The following IQCH variants were observed in gnomAD, a reference collection of about 807,000 sequenced individuals.
IQCH encodes the protein IQ domain-containing protein H.
In IQCH, 98 loss-of-function variants were observed where a neutral mutation model predicts 117.0. The observed-to-expected ratio is 0.84, with a 90% CI of 0.71 to 0.99. The LOEUF is 0.99. Ranked by LOEUF, IQCH falls within the 50% of genes least tolerant of loss-of-function variation. The probability of loss-of-function intolerance (pLI) is 0.00; values close to 1 mark genes in which losing one functional copy is unlikely to be tolerated. For missense variants in IQCH, 1,102 were observed against 1,243.8 expected (o/e 0.89, Z 1.72); for synonymous variants, 412 against 448.2 (o/e 0.92, Z 1.02).
Position 67,424,583 on chromosome 15 carries a change from T to C in IQCH, c.2505+3006T>C, listed in dbSNP as rs1433714068. Among the ~76,000 whole-genome samples the C allele has an allele frequency of 1.3e-5, 2 of 152,226 alleles. No individual in the cohort carries two copies. The highest frequency in any genetic ancestry group is 2.9e-5 in the Non-Finnish European group (2 of 68,040). ...TGGCACAAAGTAGGTATTCAGTAAA[T>C]ATTTGTTGACTGAATGAATGAACAA... On this transcript the variant is annotated intron_variant, in intron 16 of 20. Transcript: ENST00000335894. This position sits in a 1 kb window ranked among gnomAD's most constrained non-coding sequence, Gnocchi z 4.9.
intron 15 of IQCH, among the ~76,000 whole-genome samples, chr15:67,418,513 CCACACA>C (rs368875296): frequency 2.9e-4 from 33 of 114,104 alleles, no homozygotes; most frequent in Admixed American, 7.0e-4. Flanking sequence ...CAAGTGGCTA[CCACACA>C]CACACACACA....
chr15:67,307,842 A>G (rs1008655989), intron 4 of IQCH, among the ~76,000 whole-genome samples: 2 of 152,164 alleles, frequency 1.3e-5, no homozygotes, highest in African/African-American at 4.8e-5. Context: ...CCCATCTCAG[A>G]TGACAAAGAG....
Position 67,359,566 on chromosome 15 carries a change from C to G in IQCH, c.715-281C>G, listed in dbSNP as rs1970045675. On this transcript the variant is annotated intron_variant, in intron 7 of 20. Coordinates refer to ENST00000335894, the MANE Select transcript of IQCH (RefSeq NM_001031715.3). The surrounding 1 kb of genome is among the most constrained non-coding windows in gnomAD (Gnocchi z 4.5). ...AAGCAGTGTGGTGCCACGCTAGTGT[C>G]CCCTAGAAGTGGGACTTGGCATCTG... Among the ~76,000 whole-genome samples the G allele has an allele frequency of 6.6e-6, 1 of 152,210 alleles. No individual in the cohort carries two copies. The highest frequency in any genetic ancestry group is 2.4e-5 in the African/African-American group (1 of 41,452).
In IQCH at chr15:67,404,115, TTGTC is replaced by T. The variant is rs1391547094; in HGVS notation, c.2097+3813_2097+3816del. The T allele has an allele frequency of 6.6e-6, 1 of 152,214 alleles. No homozygotes were observed. Among genetic ancestry groups the T allele is most frequent in the Non-Finnish European group, 1.5e-5 (1 of 68,030 alleles). 9.4% of individuals were successfully genotyped at this position (152,214 alleles called of 1,614,324 possible). On this transcript the variant is annotated intron_variant, in intron 14 of 20. Coordinates refer to ENST00000335894, the MANE Select transcript of IQCH (RefSeq NM_001031715.3). The surrounding 1 kb of genome is among the most constrained non-coding windows in gnomAD (Gnocchi z 4.6). The stretch of plus-strand genomic sequence containing the variant: ...ACCTTTATTTGTACTTTGATTTACT[TTGTC>T]TGACATTTGATATTAATTTGGGGAT...
Position 67,359,970 on chromosome 15 carries a change from C to G in IQCH, c.753+85C>G, listed in dbSNP as rs1315289101. The stretch of plus-strand genomic sequence containing the variant: ...TGCTGCAGGGCAAGAGTATGGGTGA[C>G]TGCTTGACAGCTGGAGATGGCAACA... On this transcript the variant is annotated intron_variant, in intron 8 of 20. Transcript: ENST00000335894. This position sits in a 1 kb window ranked among gnomAD's most constrained non-coding sequence, Gnocchi z 4.5. 23 of 1,010,698 alleles carry G rather than the reference C, an allele frequency of 2.3e-5. No homozygotes were observed. The highest frequency in any genetic ancestry group is 3.4e-5 in the Non-Finnish European group (22 of 654,684). 62.6% of individuals were successfully genotyped at this position (1,010,698 alleles called of 1,614,324 possible). A position where few individuals can be genotyped will look rare whatever the true frequency, so the allele number is the denominator to read the frequency against.
Position 67,500,712 on chromosome 15 carries a change from A to C in IQCH, c.3050A>C (p.Lys1017Thr). 1 of 1,600,832 alleles carries C rather than the reference A, an allele frequency of 6.2e-7. No individual in the cohort carries two copies. The highest frequency in any genetic ancestry group is 2.2e-5 in the East Asian group (1 of 44,530). The change falls in exon 21 of 21, where the codon AAA becomes ACA. Residue 1017 changes from lysine (K) to threonine (T), a missense_variant. Transcript: ENST00000335894. This position sits in a 1 kb window ranked among gnomAD's most constrained non-coding sequence, Gnocchi z 4.4. ...KMRFEEEQQS[K>T]DDKNLSKPKK is the part of the protein sequence containing the mutation. ...AGATTTGAAGAGGAGCAACAGTCCA[A>C]AGATGATAAAAACCTCTCTAAACCC...
At chr15:67,419,046 G>A (rs1390220793) in intron 15 of IQCH, among the ~76,000 whole-genome samples, 5 of 152,076 alleles carry the variant, frequency 3.3e-5, no homozygotes, top group African/African-American at 4.8e-5. Context: ...CTTTCCCAGC[G>A]ACTGTCTCAT....
chr15:67,308,414 C>T (rs1353972901), intron 4 of IQCH, among the ~76,000 whole-genome samples: 2 of 152,062 alleles, frequency 1.3e-5, no homozygotes, highest in Non-Finnish European at 2.9e-5. Flanking sequence ...ATCTTGGTCC[C>T]CCTCCCTTTT....
In IQCH at chr15:67,409,506, C is replaced by T. The variant is rs545005290; in HGVS notation, c.2098-7425C>T. On this transcript the variant is annotated intron_variant, in intron 14 of 20. Transcript: ENST00000335894. ...ACATATGTGCCTCAGTTGGACAAAACGCTTCTCGAGTCAAATCAACTGCTA... is the reference window on the plus strand; with the variant it reads ...ACATATGTGCCTCAGTTGGACAAAATGCTTCTCGAGTCAAATCAACTGCTA... Among the ~76,000 whole-genome samples the T allele has an allele frequency of 5.3e-5, 8 of 152,288 alleles. No homozygotes were observed. The South Asian group carries it at 1.0e-3, about 20-fold the overall frequency.
intron 18 of IQCH, among the ~76,000 whole-genome samples, chr15:67,477,044 C>CTTTTTTTT (rs71455553): frequency 5.0e-3 from 353 of 71,030 alleles, no homozygotes; most frequent in Non-Finnish European, 5.7e-3. Context: ...TCTTTTTCTT[C>CTTTTTTTT]TTTTTTTTTT....
intron 6 of IQCH, among the ~76,000 whole-genome samples, chr15:67,346,697 G>A (rs532236093): frequency 6.6e-6 from 1 of 152,088 alleles, no homozygotes; most frequent in Admixed American, 6.6e-5. Flanking sequence ...ATGATAGAAC[G>A]GTATTATAGG....
At position 67,295,345 on chromosome 15, in the gene IQCH, A is replaced by G. The variant is rs1384765525; in HGVS notation, c.387+15833A>G. 5.9e-5 allele frequency among the ~76,000 whole-genome samples: 9 copies of G among 152,286 alleles called. No individual in the cohort carries two copies. The East Asian group carries it at 1.2e-3, about 20-fold the overall frequency. The stretch of plus-strand genomic sequence containing the variant: ...TTTCCAGCTTCCTTTGCAGTTGATT[A>G]TAGCTATATGGCCAAGTACTGGCTA... On this transcript the variant is annotated intron_variant, in intron 4 of 20. Coordinates refer to ENST00000335894, the MANE Select transcript of IQCH (RefSeq NM_001031715.3).
intron 4 of IQCH, among the ~76,000 whole-genome samples, chr15:67,289,940 GTC>G (rs1178368949): frequency 6.6e-6 from 1 of 152,044 alleles, no homozygotes; most frequent in Non-Finnish European, 1.5e-5. Context: ...TTTATTCACA[GTC>G]TAGATTCTTC....
chr15:67,480,603 G>T (rs1032267256), intron 18 of IQCH, among the ~76,000 whole-genome samples: 4 of 152,150 alleles, frequency 2.6e-5, no homozygotes, highest in Non-Finnish European at 4.4e-5. Context: ...AGTATCAAAA[G>T]AAGATGCTCC....
chr15:67,331,288 C>T (rs982683151), intron 4 of IQCH, among the ~76,000 whole-genome samples: 4 of 152,042 alleles, frequency 2.6e-5, no homozygotes, highest in African/African-American at 9.7e-5. Flanking sequence ...CTCACAATTA[C>T]TTCACATTAT....
At position 67,480,115 on chromosome 15, in the gene IQCH, A is replaced by G. The variant is rs531692532; in HGVS notation, c.2799+4297A>G. 7.9e-5 allele frequency among the ~76,000 whole-genome samples: 12 copies of G among 152,324 alleles called. No individual in the cohort carries two copies. In the South Asian group the frequency reaches 2.3e-3, roughly 29 times the overall value. On this transcript the variant is annotated intron_variant, in intron 18 of 20. Transcript: ENST00000335894. ...GGCTAGTGTCACACATACATAGGCA[A>G]TGTGCCACCATCCTAAATAGCTCCA...
chr15:67,308,830 T>A (rs929076294), intron 4 of IQCH, among the ~76,000 whole-genome samples: 4 of 152,044 alleles, frequency 2.6e-5, no homozygotes, highest in Admixed American at 6.6e-5. Flanking sequence ...CTAAAGCCCA[T>A]TGCTCTGGGA....
intron 4 of IQCH, among the ~76,000 whole-genome samples, chr15:67,322,302 C>G (rs964284360): frequency 6.6e-6 from 1 of 151,936 alleles, no homozygotes; most frequent in Non-Finnish European, 1.5e-5. Context: ...AATATAATTA[C>G]TTCATCTCTA....
chr15:67,353,583 C>A (rs1969763989), intron 6 of IQCH, among the ~76,000 whole-genome samples: 1 of 152,052 alleles, frequency 6.6e-6, no homozygotes, highest in Admixed American at 6.6e-5. Flanking sequence ...TGGTCTCAAA[C>A]TCCTGAGCTC....
Sources: allele counts gnomAD v4.1 joint callset (sites outside exome capture counted in the v4.1 genomes callset), GRCh38; gene constraint gnomAD v4.1.1; non-coding constraint Gnocchi (gnomAD v3.1); transcripts MANE v1.5; gene names NCBI Gene and HGNC (gene_info 2026-07-23, HGNC 2026-07-21).